CYP2U1: variants seen among roughly 807,000 people sequenced by gnomAD.
The protein encoded by CYP2U1 is cytochrome P450 family 2 subfamily U member 1, also known as cytochrome P450 2U1.
A neutral mutation model predicts 42.8 loss-of-function variants in CYP2U1; 28 were observed. The ratio of observed to expected loss-of-function variants is 0.65; its 90% CI spans 0.48 to 0.90. The LOEUF (loss-of-function observed/expected upper bound fraction) is 0.90. Ranked by LOEUF, CYP2U1 falls within the 40% of genes least tolerant of loss-of-function variation. The pLI, the probability that CYP2U1 is intolerant of heterozygous loss-of-function variation, is 0.00. For synonymous variants in CYP2U1, 296 were observed against 278.9 expected (o/e 1.06, Z -0.61); for missense variants, 642 against 693.8 (o/e 0.93, Z 0.84).
chr4:107,942,671 G>A (rs367861418), intron 1 of CYP2U1, among the ~76,000 whole-genome samples: 1 of 152,160 alleles, frequency 6.6e-6, no homozygotes, highest in Non-Finnish European at 1.5e-5. Flanking sequence ...GATTGGTGGT[G>A]AAGGGTGAGG....
chr4:107,939,662 C>A (rs1171811279), intron 1 of CYP2U1, among the ~76,000 whole-genome samples: 2 of 152,144 alleles, frequency 1.3e-5, no homozygotes, highest in African/African-American at 2.4e-5. Flanking sequence ...GTTTACCATG[C>A]AGAATCTCAA....
In CYP2U1 at chr4:107,931,929, A is replaced by T. The variant is rs1286154679; in HGVS notation, c.286A>T (p.Ile96Phe). The T allele has an allele frequency of 1.3e-6, 2 of 1,551,054 alleles. No homozygotes were observed. Among genetic ancestry groups the T allele is most frequent in the African/African-American group, 1.4e-5 (1 of 73,054 alleles). The change falls in exon 1 of 5, where the codon ATT becomes TTT. Residue 96 changes from isoleucine (I) to phenylalanine (F), a missense_variant. Coordinates refer to ENST00000332884, the MANE Select transcript of CYP2U1 (RefSeq NM_183075.3). ...GAGCAGCAGGACCAGGGCCGCAGGG[A>T]TTGATCCCTCGGTCATAGGCCCGCA... ...WLSSRTRAAGIDPSVIGPQVL... is the reference protein window; with the variant it reads ...WLSSRTRAAGFDPSVIGPQVL...
At chr4:107,950,178 T>C in intron 4 of CYP2U1, 67 bp from the exon 5 acceptor site, 2 of 1,428,610 alleles carry the variant, frequency 1.4e-6, no homozygotes, top group Non-Finnish European at 1.9e-6. Context: ...CATATAAATT[T>C]GTACTTTTTG....
Position 107,931,901 on chromosome 4 carries a change from G to T in CYP2U1, c.258G>T (p.Trp86Cys). 6 of 1,549,986 alleles carry T rather than the reference G, an allele frequency of 3.9e-6. 1 individual carries two copies. ...LLPPFLRRRS[W>C]LSSRTRAAGI... ...CTCCCTTCCTCCGGCGGCGGAGCTG[G>T]CTGAGCAGCAGGACCAGGGCCGCAG... The change falls in exon 1 of 5, where the codon TGG becomes TGT. Residue 86 changes from tryptophan to cysteine, a missense_variant. Physicochemically the swap from Trp to Cys is radical, Grantham distance 215. Coordinates refer to ENST00000332884, the MANE Select transcript of CYP2U1 (RefSeq NM_183075.3).
At chr4:107,935,844 A>G (rs562407235) in intron 1 of CYP2U1, 1 of 152,352 alleles carries the variant, frequency 6.6e-6, no homozygotes, top group South Asian at 2.1e-4. Flanking sequence ...TACTGTCCAG[A>G]AACAAGATGT....
Position 107,950,330 on chromosome 4 carries a change from T to C in CYP2U1, c.1542T>C (p.Ala514=). The C allele has an allele frequency of 1.2e-6, 2 of 1,614,174 alleles. No homozygotes were observed. Among genetic ancestry groups the C allele is most frequent in the Non-Finnish European group, 1.7e-6 (2 of 1,180,018 alleles). ...FVSLMQSFAF[A]LPEDSKKPLL... Reference sequence around the variant, plus strand: ...GCCTAATGCAGAGTTTCGCATTTGCTTTACCTGAGGATTCTAAGAAGCCCC... The same window carrying C: ...GCCTAATGCAGAGTTTCGCATTTGCCTTACCTGAGGATTCTAAGAAGCCCC... The change falls in exon 5 of 5, where the codon GCT becomes GCC. Residue 514 remains alanine, a synonymous_variant. Coordinates refer to ENST00000332884, the MANE Select transcript of CYP2U1 (RefSeq NM_183075.3).
At chr4:107,944,784 T>C (rs1345194857) in intron 1 of CYP2U1, among the ~76,000 whole-genome samples, 186 bp from the exon 2 acceptor site, 10 of 132,272 alleles carry the variant, frequency 7.6e-5, no homozygotes, top group African/African-American at 2.7e-4. Flanking sequence ...ACACATACTA[T>C]CTTGATAACT....
In CYP2U1 at chr4:107,931,762, G is replaced by A; in HGVS notation, c.119G>A (p.Cys40Tyr). ...CCCAGCGGGGGCGCGCTGCTGCTAT[G>A]CGGCCTCGTAGCGCTGCTGGGCTGG... ...LDPSGGALLL[C>Y]GLVALLGWSW... The change falls in exon 1 of 5, where the codon TGC (cysteine) becomes TAC (tyrosine). Residue 40 changes from cysteine to tyrosine, a missense_variant. Transcript: ENST00000332884. 1 of 1,463,438 alleles carries A rather than the reference G, an allele frequency of 6.8e-7. No individual in the cohort carries two copies. Among genetic ancestry groups the A allele is most frequent in the South Asian group, 1.4e-5 (1 of 71,510 alleles). 90.7% of individuals were successfully genotyped at this position (1,463,438 alleles called of 1,614,324 possible).
Position 107,945,217 on chromosome 4 carries a change from TG to T in CYP2U1, c.739del (p.Glu247SerfsTer13). On this transcript the variant is annotated frameshift_variant, in exon 2 of 5. Transcript: ENST00000332884. LOFTEE classifies it high-confidence loss of function. ...GCCAGCGCTTTGATTACACTAATAG[TG>T]AGTTCAAGAAAATGCTTGGTTTTAT... ...FGQRFDYTNS[E>X]FKKMLGFMSR... 6.2e-7 allele frequency: 1 copy of T among 1,614,080 alleles called. No individual in the cohort carries two copies. Among genetic ancestry groups the T allele is most frequent in the Non-Finnish European group, 8.5e-7 (1 of 1,180,006 alleles).
chr4:107,940,303 C>G (rs1377187454), intron 1 of CYP2U1: 3 of 151,570 alleles, frequency 2.0e-5, no homozygotes, highest in Non-Finnish European at 4.4e-5. Flanking sequence ...CCAAGGTGGT[C>G]TGAAACTCCT....
intron 1 of CYP2U1, chr4:107,935,793 A>G (rs896802935): frequency 2.0e-5 from 3 of 152,244 alleles, no homozygotes; most frequent in Non-Finnish European, 4.4e-5. Context: ...AGCTCAAACC[A>G]TCTTTGGCTA....
Position 107,953,105 on chromosome 4 carries a change from C to G in CYP2U1, c.*2682C>G, listed in dbSNP as rs1370428822. On this transcript the variant is annotated 3_prime_UTR_variant, in exon 5 of 5. Transcript: ENST00000332884. ...ATGCTTTTGAATTGCACTAATAACT[C>G]AGCATTAACAAGTATATTACTCCTT... The G allele has an allele frequency of 2.0e-5, 3 of 152,108 alleles. No homozygotes were observed. The highest frequency in any genetic ancestry group is 1.3e-4 in the Admixed American group (2 of 15,280). The allele number at this position is 152,108 out of a possible 1,614,324, so 9.4% of individuals were successfully genotyped here.
intron 2 of CYP2U1, among the ~76,000 whole-genome samples, chr4:107,946,448 A>G (rs1733700082): frequency 6.6e-6 from 1 of 152,026 alleles, no homozygotes; most frequent in Admixed American, 6.6e-5. Flanking sequence ...TGTGTCCTTA[A>G]GTTAATTACA....
rs1021663303 is a variant in CYP2U1, at chr4:107,952,493, G to A, written c.*2070G>A. Reference sequence around the variant, plus strand: ...AAAGATCCAGAGTGGCTGTTACTTTGAAAATTAAACGAAAGATGAAATTCT... The same window carrying A: ...AAAGATCCAGAGTGGCTGTTACTTTAAAAATTAAACGAAAGATGAAATTCT... On this transcript the variant is annotated 3_prime_UTR_variant, in exon 5 of 5. Transcript: ENST00000332884. 7 of 152,220 alleles carry A rather than the reference G, an allele frequency of 4.6e-5. No homozygotes were observed. The highest frequency in any genetic ancestry group is 4.6e-4 in the Admixed American group (7 of 15,280). The allele number at this position is 152,220 out of a possible 1,614,324, so 9.4% of individuals were successfully genotyped here.
chr4:107,949,764 C>G (rs1733843863), intron 4 of CYP2U1, among the ~76,000 whole-genome samples: 1 of 152,088 alleles, frequency 6.6e-6, no homozygotes, highest in African/African-American at 2.4e-5. Flanking sequence ...TGGGGGGTCC[C>G]AGGGAGCTAC....
intron 1 of CYP2U1, chr4:107,940,607 T>G (rs1243364600): frequency 6.9e-6 from 1 of 144,074 alleles, no homozygotes; most frequent in Non-Finnish European, 1.6e-5. Flanking sequence ...AAAATAACAT[T>G]TTGGTTTTTT....
chr4:107,932,120 G>A lies in CYP2U1; in HGVS notation c.477G>A (p.Val159=). ...CGCGGGTGCCGCTCATCTCCATCGT[G>A]ACCAAGGAGAAGGGTGAGCGGGAGG... is the stretch of plus-strand genomic sequence containing the variant. ...DRPRVPLISI[V]TKEKGVVFAH... is the part of the protein sequence containing the mutation. Residue 159 remains valine, a synonymous_variant, in exon 1 of 5, where the codon GTG becomes GTA. Coordinates refer to ENST00000332884, the MANE Select transcript of CYP2U1 (RefSeq NM_183075.3). 1 of 1,604,208 alleles carries A rather than the reference G, an allele frequency of 6.2e-7. No homozygotes were observed. Among genetic ancestry groups the A allele is most frequent in the Non-Finnish European group, 8.5e-7 (1 of 1,176,242 alleles).
Position 107,945,372 on chromosome 4 carries a change from T to C in CYP2U1, c.893T>C (p.Leu298Pro), listed in dbSNP as rs1304987599. The C allele has an allele frequency of 6.2e-7, 1 of 1,613,964 alleles. No homozygotes were observed. Among genetic ancestry groups the C allele is most frequent in the Admixed American group, 1.7e-5 (1 of 59,982 alleles). Residue 298 changes from leucine (L) to proline (P), a missense_variant, in exon 2 of 5, where the codon CTT (leucine) becomes CCT (proline). By Grantham distance (98) the Leu-to-Pro change is moderately conservative. Coordinates refer to ENST00000332884, the MANE Select transcript of CYP2U1 (RefSeq NM_183075.3). ...ATTGAAAAGGATATAACCAGTTTCC[T>C]TAAAAAAATCATCAAAGACCATCAA... ...RQIEKDITSFLKKIIKDHQES... is the reference protein window; with the variant it reads ...RQIEKDITSFPKKIIKDHQES...
intron 1 of CYP2U1, among the ~76,000 whole-genome samples, chr4:107,944,526 G>T: frequency 6.6e-6 from 1 of 150,838 alleles, no homozygotes; most frequent in Non-Finnish European, 1.5e-5. Context: ...AGCTGGTCTG[G>T]AACTCCTGGC....
Sources: allele counts gnomAD v4.1 joint callset (sites outside exome capture counted in the v4.1 genomes callset), GRCh38; gene constraint gnomAD v4.1.1; transcripts MANE v1.5; gene names NCBI Gene and HGNC (gene_info 2026-07-23, HGNC 2026-07-21).